Variants in WNT5A observed in about 807,000 individuals in gnomAD.
WNT5A encodes the protein protein Wnt-5a.
WNT5A carries 9 observed loss-of-function variants against 42.1 expected under a neutral mutation model. That is an observed-to-expected ratio of 0.21 (90% CI 0.13 to 0.37). The LOEUF (loss-of-function observed/expected upper bound fraction) is 0.37, where lower values mean the gene tolerates loss of function less well. Ranked by LOEUF, WNT5A falls within the 10% of genes least tolerant of loss-of-function variation. The probability of loss-of-function intolerance (pLI) is 1.00; values close to 1 mark genes in which losing one functional copy is unlikely to be tolerated. For missense variants in WNT5A, 426 were observed against 534.0 expected, an observed-to-expected ratio of 0.80 and a Z score of 1.99; for synonymous variants, 210 against 210.0, an observed-to-expected ratio of 1.00 and a Z score of 0.00.
Position 55,468,828 on chromosome 3 carries a change from C to T in WNT5A, c.*1264G>A, listed in dbSNP as rs994538497. 3 of 152,460 alleles carry T rather than the reference C, an allele frequency of 2.0e-5. No homozygotes were observed. Among genetic ancestry groups the T allele is most frequent in the Non-Finnish European group, 2.9e-5 (2 of 68,018 alleles). The allele number at this position is 152,460 out of a possible 1,614,324, so 9.4% of individuals were successfully genotyped here. ...TAAACACAGGATCATAACAGTGATA[C>T]GCTGCAACACCTCTGTGAATTCCAT... On this transcript the variant is annotated 3_prime_UTR_variant, in exon 5 of 5. Transcript: ENST00000264634.
At chr3:55,475,931 G>C (rs1226323755) in intron 3 of WNT5A, among the ~76,000 whole-genome samples, 3 of 152,152 alleles carry the variant, frequency 2.0e-5, no homozygotes, top group Non-Finnish European at 2.9e-5. Flanking sequence ...CGTGGGGTAG[G>C]GGTGGGATTG....
At chr3:55,497,489 C>G in the WNT5A span, 2 of 152,362 alleles carry the variant, frequency 1.3e-5, no homozygotes, top group African/African-American at 2.4e-5. Flanking sequence ...TGGTTTGAGA[C>G]AGGGAGAACT....
chr3:55,479,585 C>A, intron 2 of WNT5A, 21 bp from the exon 3 acceptor site: 2 of 1,552,660 alleles, frequency 1.3e-6, no homozygotes, highest in Non-Finnish European at 8.7e-7. Context: ...GGGAGATGTG[C>A]ATTCAAGATT....
upstream of WNT5A, chr3:55,490,207 CACAT>C (rs1314295060): frequency 6.6e-6 from 1 of 152,236 alleles, no homozygotes; most frequent in Non-Finnish European, 1.5e-5. Context: ...ATTTCCTCCA[CACAT>C]ACAGCCAGTC....
rs771114367 is a variant in WNT5A at position 55,474,535 on chromosome 3, G to A, written c.486C>T (p.Cys162=). Residue 162 remains cysteine, a synonymous_variant, in exon 4 of 5, where the codon TGC becomes TGT. Coordinates refer to ENST00000264634, the MANE Select transcript of WNT5A (RefSeq NM_003392.7). ...RACREGELST[C]GCSRAARPKD... is the part of the protein sequence containing the mutation. Reference sequence around the variant, plus strand: ...TGGGGCGCGCGGCGCGGCTGCAGCCGCAGGTGGACAGCTCGCCCTCGCGGC... The same window carrying A: ...TGGGGCGCGCGGCGCGGCTGCAGCCACAGGTGGACAGCTCGCCCTCGCGGC... 11 of 1,556,902 alleles carry A rather than the reference G, an allele frequency of 7.1e-6. No homozygotes were observed. Among genetic ancestry groups the A allele is most frequent in the East Asian group, 4.8e-5 (2 of 41,726 alleles).
chr3:55,485,288 G>A (rs2051555775), intron 1 of WNT5A, among the ~76,000 whole-genome samples: 1 of 143,940 alleles, frequency 6.9e-6, no homozygotes, highest in African/African-American at 2.5e-5. Flanking sequence ...ACCGCACCGC[G>A]GGGAAGAAAA....
the WNT5A span, among the ~76,000 whole-genome samples, chr3:55,503,291 G>T: frequency 6.6e-6 from 1 of 152,102 alleles, no homozygotes; most frequent in Non-Finnish European, 1.5e-5. Context: ...TTTATTACTG[G>T]TAATAATACC....
At chr3:55,482,671 T>G (rs2051491211) in intron 1 of WNT5A, among the ~76,000 whole-genome samples, 1 of 152,130 alleles carries the variant, frequency 6.6e-6, no homozygotes, top group Admixed American at 6.5e-5. Flanking sequence ...CAAGGCCCAG[T>G]TGTCCCCAAA....
chr3:55,472,249 C>T (rs1329333893), intron 4 of WNT5A, among the ~76,000 whole-genome samples: 1 of 152,160 alleles, frequency 6.6e-6, no homozygotes, highest in East Asian at 1.9e-4. Context: ...TTCAAACTTC[C>T]CCAATCCTCT....
chr3:55,481,218 T>G, intron 1 of WNT5A: 1 of 873,220 alleles, frequency 1.1e-6, no homozygotes, highest in Non-Finnish European at 1.4e-6. Flanking sequence ...GCCTCCTTCC[T>G]GCTCGCTCGA....
At chr3:55,486,181 G>A (rs1285870890) in intron 1 of WNT5A, among the ~76,000 whole-genome samples, 1 of 152,148 alleles carries the variant, frequency 6.6e-6, no homozygotes, top group Non-Finnish European at 1.5e-5. Context: ...AGGCCCAAGT[G>A]TTTTCTAAAG....
At chr3:55,479,203 G>C in intron 3 of WNT5A, 111 bp downstream of exon 3, 1 of 1,256,636 alleles carries the variant, frequency 8.0e-7, no homozygotes. Context: ...CACCACCCGA[G>C]CTGGAAGGCA....
upstream of WNT5A, among the ~76,000 whole-genome samples, chr3:55,492,855 T>C (rs981526955): frequency 6.6e-6 from 1 of 152,142 alleles, no homozygotes; most frequent in East Asian, 1.9e-4. Flanking sequence ...TTCAAAGAGG[T>C]CCTGATTTTG....
intron 1 of WNT5A, among the ~76,000 whole-genome samples, chr3:55,482,345 G>T (rs1195954048): frequency 1.3e-5 from 2 of 152,220 alleles, no homozygotes; most frequent in East Asian, 3.9e-4. Flanking sequence ...GTGCGGGTGG[G>T]AGGAGCGGGT....
chr3:55,471,362 G>C (rs11918967), intron 4 of WNT5A, among the ~76,000 whole-genome samples: 64,911 of 151,854 alleles, frequency 0.43, 14,003 homozygotes, highest in Middle Eastern at 0.5. Context: ...CTACTACCCC[G>C]CTAGGCTAAG....
chr3:55,490,359 A>T (rs571111005), upstream of WNT5A: 7 of 152,324 alleles, frequency 4.6e-5, no homozygotes, highest in Non-Finnish European at 8.8e-5. Context: ...CCTGTTCTGC[A>T]GTCTTTCCTC....
At chr3:55,503,370 TA>T in the WNT5A span, among the ~76,000 whole-genome samples, 3 of 152,196 alleles carry the variant, frequency 2.0e-5, no homozygotes, top group Non-Finnish European at 4.4e-5. Flanking sequence ...TGATCCTTGT[TA>T]AAAAACAAAA....
At position 55,474,543 on chromosome 3, in the gene WNT5A, A is replaced by C; in HGVS notation, c.478T>G (p.Ser160Ala). The C allele has an allele frequency of 6.5e-7, 1 of 1,546,986 alleles. No individual in the cohort carries two copies. Among genetic ancestry groups the C allele is most frequent in the East Asian group, 2.4e-5 (1 of 41,468 alleles). The change falls in exon 4 of 5, where the codon TCC (serine) becomes GCC (alanine). Residue 160 changes from serine to alanine, a missense_variant. Coordinates refer to ENST00000264634, the MANE Select transcript of WNT5A (RefSeq NM_003392.7). The stretch of plus-strand genomic sequence containing the variant: ...GCGGCGCGGCTGCAGCCGCAGGTGG[A>C]CAGCTCGCCCTCGCGGCACGCCCGG... The part of the protein sequence containing the change: ...MSRACREGEL[S>A]TCGCSRAARP...
In WNT5A at chr3:55,470,065, G is replaced by A. The variant is rs1426184168; in HGVS notation, c.*27C>T. ...TTCTATAAATAAGCGGGTCCTGGGA[G>A]CGGGGCTGAGTGCTGGGTGGCACCC... On this transcript the variant is annotated 3_prime_UTR_variant, in exon 5 of 5. Transcript: ENST00000264634. 1 of 1,613,146 alleles carries A rather than the reference G, an allele frequency of 6.2e-7. No homozygotes were observed. Among genetic ancestry groups the A allele is most frequent in the African/African-American group, 1.3e-5 (1 of 74,920 alleles).
Sources: allele counts gnomAD v4.1 joint callset (sites outside exome capture counted in the v4.1 genomes callset), GRCh38; gene constraint gnomAD v4.1.1; transcripts MANE v1.5; gene names NCBI Gene and HGNC (gene_info 2026-07-23, HGNC 2026-07-21).